The following FBXO34 variants were observed in gnomAD, a reference collection of about 807,000 sequenced individuals.
FBXO34 encodes F-box only protein 34.
FBXO34 carries 12 observed loss-of-function variants against 24.5 expected under a neutral mutation model. That is an observed-to-expected ratio of 0.49 (90% CI 0.31 to 0.79). FBXO34 has a LOEUF of 0.79. FBXO34 is among the 30% of genes least tolerant of loss of function. FBXO34 has a pLI of 0.04. For missense variants in FBXO34, 823 were observed against 857.7 expected (o/e 0.96, Z 0.51); for synonymous variants, 320 against 311.9 (o/e 1.03, Z -0.27).
At chr14:55,392,076 C>T in the FBXO34 span, among the ~76,000 whole-genome samples, 1 of 152,136 alleles carries the variant, frequency 6.6e-6, no homozygotes, top group African/African-American at 2.4e-5. Flanking sequence ...AGATGATTTA[C>T]AGGAATGAAT....
chr14:55,377,415 A>G, the FBXO34 span, among the ~76,000 whole-genome samples: 1 of 152,168 alleles, frequency 6.6e-6, no homozygotes, highest in Non-Finnish European at 1.5e-5. Flanking sequence ...GAAAATGTGC[A>G]GGAAACAGGG....
chr14:55,351,425 T>C lies in FBXO34; in HGVS notation c.1035T>C (p.Ser345=). ...ACACTCAGGTGAATCCTGTGGGGTC[T>C]GTATCTGTGGATTGTGGCCCTTCAA... is the stretch of plus-strand genomic sequence containing the variant. ...APDTQVNPVG[S]VSVDCGPSRA... is the part of the protein sequence containing the mutation. The change falls in exon 2 of 2, where the codon TCT becomes TCC. Residue 345 remains serine, a synonymous_variant. Coordinates refer to ENST00000313833, the MANE Select transcript of FBXO34 (RefSeq NM_017943.4). The C allele has an allele frequency of 6.2e-7, 1 of 1,614,212 alleles. No individual in the cohort carries two copies. The highest frequency in any genetic ancestry group is 2.2e-5 in the East Asian group (1 of 44,882).
At position 55,325,504 on chromosome 14, in the gene FBXO34, T is replaced by G. The variant is rs368384229; in HGVS notation, c.-10-24877T>G. ...ATTATTTTTTTTTTGAGATGGAGTT[T>G]CACTCTTGTTGCCCAGGCTGGAGTG... On this transcript the variant is annotated intron_variant, in intron 1 of 1. Coordinates refer to ENST00000313833, the MANE Select transcript of FBXO34 (RefSeq NM_017943.4). Among the ~76,000 whole-genome samples the G allele has an allele frequency of 3.2e-4, 49 of 152,268 alleles. 1 individual carries two copies. Among genetic ancestry groups the G allele is most frequent in the African/African-American group, 1.2e-3 (49 of 41,558 alleles).
At chr14:55,354,390 A>AC (rs1884488453), downstream of FBXO34, 1 of 152,220 alleles carries the variant, frequency 6.6e-6, no homozygotes, top group African/African-American at 2.4e-5. Flanking sequence ...AACATAAAGG[A>AC]CCTAGAGTAC....
the FBXO34 span, among the ~76,000 whole-genome samples, chr14:55,387,901 A>G: frequency 9.9e-5 from 15 of 152,204 alleles, no homozygotes; most frequent in South Asian, 4.2e-4. Context: ...CCTCAATGTG[A>G]TCCGCCCGCC....
intron 1 of FBXO34, among the ~76,000 whole-genome samples, chr14:55,330,671 G>T (rs899888875): frequency 2.6e-4 from 39 of 152,054 alleles, no homozygotes; most frequent in African/African-American, 9.4e-4. Flanking sequence ...TATGCTTGTG[G>T]TCCCAGCTAC....
downstream of FBXO34, among the ~76,000 whole-genome samples, chr14:55,356,573 G>A (rs1323916244): frequency 1.3e-5 from 2 of 152,074 alleles, no homozygotes; most frequent in Non-Finnish European, 2.9e-5. Context: ...TTAGCCTCCC[G>A]AGTAGCTGGG....
chr14:55,323,024 A>AAAC (rs1555337874), intron 1 of FBXO34, among the ~76,000 whole-genome samples: 3 of 70,632 alleles, frequency 4.2e-5, no homozygotes, highest in Non-Finnish European at 1.0e-4. Context: ...ATACAAAAAA[A>AAAC]AAAAAAAAAG....
downstream of FBXO34, chr14:55,369,712 G>T (rs1441757774): frequency 6.2e-7 from 1 of 1,610,970 alleles, no homozygotes; most frequent in African/African-American, 1.3e-5. Flanking sequence ...CGATGGGTGG[G>T]GACGCCTGGG....
chr14:55,442,186 C>G, the FBXO34 span, among the ~76,000 whole-genome samples: 3 of 151,276 alleles, frequency 2.0e-5, no homozygotes, highest in Non-Finnish European at 1.5e-5. Flanking sequence ...GTCAGGAGTT[C>G]AAGACCAGCC....
At chr14:55,332,193 T>C (rs1883618576) in intron 1 of FBXO34, among the ~76,000 whole-genome samples, 1 of 151,526 alleles carries the variant, frequency 6.6e-6, no homozygotes, top group South Asian at 2.1e-4. Context: ...CTTCTGGCTT[T>C]CATTTTCATT....
chr14:55,329,793 G>A (rs1883471798), intron 1 of FBXO34, among the ~76,000 whole-genome samples: 1 of 151,986 alleles, frequency 6.6e-6, no homozygotes, highest in South Asian at 2.1e-4. Flanking sequence ...GCCTCTTTAA[G>A]CCTTACTATT....
chr14:55,394,195 TG>T, the FBXO34 span, among the ~76,000 whole-genome samples: 2 of 146,400 alleles, frequency 1.4e-5, no homozygotes, highest in African/African-American at 5.5e-5. Flanking sequence ...TTAGTACAGA[TG>T]GGGTTTCACC....
intron 1 of FBXO34, among the ~76,000 whole-genome samples, chr14:55,327,680 G>A (rs1470591892): frequency 6.6e-6 from 1 of 152,112 alleles, no homozygotes; most frequent in Non-Finnish European, 1.5e-5. Context: ...GACATGTTGA[G>A]TTTAAGGTGC....
downstream of FBXO34, among the ~76,000 whole-genome samples, chr14:55,366,111 G>C (rs1206268672): frequency 6.6e-6 from 1 of 152,128 alleles, no homozygotes; most frequent in Non-Finnish European, 1.5e-5. Flanking sequence ...ACAAAACCAG[G>C]TCATTGTAGG....
chr14:55,404,286 A>G, the FBXO34 span, among the ~76,000 whole-genome samples: 7 of 152,312 alleles, frequency 4.6e-5, no homozygotes, highest in South Asian at 1.4e-3. Context: ...AAAGACACTC[A>G]CTGAAATCTC....
At chr14:55,323,225 ATTTTT>A (rs1194283087) in intron 1 of FBXO34, among the ~76,000 whole-genome samples, 1 of 19,206 alleles carries the variant, frequency 5.2e-5, no homozygotes. Context: ...AAAAATATAT[ATTTTT>A]TTTTTTTTTT....
chr14:55,383,529 T>C, the FBXO34 span, among the ~76,000 whole-genome samples: 1 of 150,242 alleles, frequency 6.7e-6, no homozygotes, highest in Admixed American at 6.6e-5. Context: ...CCAGCCTGGG[T>C]GACAAAGCGA....
intron 1 of FBXO34, among the ~76,000 whole-genome samples, chr14:55,294,051 T>G (rs1882038035): frequency 6.6e-6 from 1 of 152,146 alleles, no homozygotes; most frequent in Admixed American, 6.6e-5. Flanking sequence ...CTCCTTAAAA[T>G]GTTTTCTCAT....
Sources: allele counts gnomAD v4.1 joint callset (sites outside exome capture counted in the v4.1 genomes callset), GRCh38; gene constraint gnomAD v4.1.1; transcripts MANE v1.5; gene names NCBI Gene and HGNC (gene_info 2026-07-23, HGNC 2026-07-21).